Variants in KAZN observed in about 807,000 individuals in gnomAD.
The protein encoded by KAZN is kazrin, periplakin interacting protein, also known as kazrin.
Under a neutral mutation model 87.4 loss-of-function variants are expected in KAZN, and 40 were observed. That is an observed-to-expected ratio of 0.46 (90% CI 0.36 to 0.60). KAZN has a LOEUF of 0.60. KAZN is among the 20% of genes least tolerant of loss of function. The pLI is 0.00. For missense variants in KAZN, 898 were observed against 1,073.9 expected (o/e 0.84, Z 2.29); for synonymous variants, 466 against 458.3 (o/e 1.02, Z -0.22).
chr1:14,535,349 C>T (rs541045002), intron 2 of KAZN, among the ~76,000 whole-genome samples: 7 of 152,336 alleles, frequency 4.6e-5, no homozygotes, highest in Non-Finnish European at 8.8e-5. Context: ...ATCAAATTCA[C>T]CAAGTTATCA....
At chr1:13,921,544 C>T (rs1167498048) in intron 1 of KAZN, among the ~76,000 whole-genome samples, 1 of 152,182 alleles carries the variant, frequency 6.6e-6, no homozygotes, top group Non-Finnish European at 1.5e-5. Flanking sequence ...TCTGTGAAAT[C>T]AAGAAGTCTG....
At chr1:14,247,727 C>A (rs1649642318) in intron 2 of KAZN, among the ~76,000 whole-genome samples, 1 of 152,162 alleles carries the variant, frequency 6.6e-6, no homozygotes, top group African/African-American at 2.4e-5. Flanking sequence ...ATGTAGATTT[C>A]TTTGATAATG....
intron 2 of KAZN, among the ~76,000 whole-genome samples, chr1:14,300,083 T>C (rs1021678213): frequency 6.6e-6 from 1 of 151,740 alleles, no homozygotes. Context: ...AACGCAAAGG[T>C]GCTGTGGCAG....
At chr1:14,688,969 G>A (rs1482078505) in intron 1 of KAZN, among the ~76,000 whole-genome samples, 5 of 152,100 alleles carry the variant, frequency 3.3e-5, no homozygotes, top group African/African-American at 7.2e-5. Flanking sequence ...CAAGGTGGGC[G>A]GATTGCCTGA....
intron 1 of KAZN, among the ~76,000 whole-genome samples, chr1:14,768,386 T>C (rs953966130): frequency 2.0e-5 from 3 of 152,206 alleles, no homozygotes; most frequent in Non-Finnish European, 4.4e-5. Context: ...TCGGGGAAGG[T>C]AGAATCAGCT....
intron 1 of KAZN, among the ~76,000 whole-genome samples, chr1:14,022,963 G>T (rs1640916030): frequency 6.6e-6 from 1 of 152,040 alleles, no homozygotes; most frequent in Non-Finnish European, 1.5e-5. Flanking sequence ...CTTATAAATG[G>T]AATACTATTT....
At chr1:14,841,405 C>CAAAAAAAAA (rs57248871) in intron 1 of KAZN, among the ~76,000 whole-genome samples, 46 of 88,864 alleles carry the variant, frequency 5.2e-4, no homozygotes, top group Non-Finnish European at 8.8e-4. Flanking sequence ...GACTCCGTCT[C>CAAAAAAAAA]AAAAAAAAAA....
At chr1:14,272,851 C>T (rs1340195251) in intron 2 of KAZN, among the ~76,000 whole-genome samples, 2 of 151,994 alleles carry the variant, frequency 1.3e-5, no homozygotes, top group Non-Finnish European at 1.5e-5. Flanking sequence ...GTGCAAGACT[C>T]AGTCTCAAAA....
intron 1 of KAZN, among the ~76,000 whole-genome samples, chr1:14,867,203 G>A (rs1231149236): frequency 6.6e-6 from 1 of 152,212 alleles, no homozygotes; most frequent in Non-Finnish European, 1.5e-5. Flanking sequence ...GGAGCGTGGA[G>A]GCCTCTCGGA....
chr1:13,942,573 T>TAC (rs1640980007), intron 1 of KAZN, among the ~76,000 whole-genome samples: 1 of 96,906 alleles, frequency 1.0e-5, no homozygotes, highest in African/African-American at 4.2e-5. Flanking sequence ...AAAAAAAAAA[T>TAC]GTATATATAT....
intron 8 of KAZN, among the ~76,000 whole-genome samples, chr1:15,092,560 C>T (rs549302638): frequency 3.0e-4 from 45 of 152,232 alleles, no homozygotes; most frequent in African/African-American, 9.9e-4. Context: ...TAACCTCCGC[C>T]TCCCTGGCTG....
chr1:14,050,190 ACACATATGTGCACATGTGTGGG>A (rs1642265957), intron 1 of KAZN, among the ~76,000 whole-genome samples: 1 of 150,150 alleles, frequency 6.7e-6, no homozygotes, highest in African/African-American at 2.5e-5. Flanking sequence ...ACATGTGTGT[ACACATATGTGCACATGTGTGGG>A]CATGCATGTG....
Position 14,678,136 on chromosome 1 carries a change from G to C in KAZN, c.226+78913G>C, listed in dbSNP as rs139689971. Among the ~76,000 whole-genome samples the C allele has an allele frequency of 2.2e-3, 338 of 152,266 alleles. 2 individuals carry two copies. Among genetic ancestry groups the C allele is most frequent in the African/African-American group, 7.7e-3 (320 of 41,570 alleles). ...ATTGTTTCTGGGTGTTGCCGGAAGA[G>C]ATTAACATTTGAGTCAGTGGACTGG... On this transcript the variant is annotated intron_variant, in intron 1 of 14. Coordinates refer to ENST00000376030, the MANE Select transcript of KAZN (RefSeq NM_201628.3).
intron 2 of KAZN, among the ~76,000 whole-genome samples, chr1:14,509,774 GA>G (rs992592849): frequency 2.6e-5 from 4 of 152,116 alleles, no homozygotes; most frequent in Admixed American, 2.6e-4. Flanking sequence ...ATCTTATGAA[GA>G]AAACAAAACA....
rs1182298063 is a variant in KAZN, at chr1:15,077,117, A to ATGT, written c.1222+11364_1222+11365insTGT. On this transcript the variant is annotated intron_variant, in intron 8 of 14. Coordinates refer to ENST00000376030, the MANE Select transcript of KAZN (RefSeq NM_201628.3). This position sits in a 1 kb window ranked among gnomAD's most constrained non-coding sequence, Gnocchi z 4.8. ...AGCTCCAGATCTTCTAGAGAAGCCA[A>ATGT]ATATCTCACATAATACACCCCAAGT... Among the ~76,000 whole-genome samples the ATGT allele has an allele frequency of 2.6e-5, 4 of 152,216 alleles. No individual in the cohort carries two copies.
chr1:14,103,757 A>G (rs114017113), intron 1 of KAZN, among the ~76,000 whole-genome samples: 3,073 of 152,238 alleles, frequency 0.02, 91 homozygotes, highest in South Asian at 0.066. Context: ...CCCTATTTGA[A>G]GGTCAAATGA....
chr1:14,243,841 G>A (rs1016262693), intron 2 of KAZN, among the ~76,000 whole-genome samples: 7 of 152,062 alleles, frequency 4.6e-5, no homozygotes, highest in African/African-American at 1.2e-4. Context: ...GTAATTATGC[G>A]TGTTTCAGAC....
intron 1 of KAZN, among the ~76,000 whole-genome samples, chr1:14,158,416 C>A (rs1645642545): frequency 6.6e-6 from 1 of 151,856 alleles, no homozygotes; most frequent in African/African-American, 2.4e-5. Context: ...TTTCAGTATG[C>A]CAATTGCATT....
chr1:14,265,315 T>A (rs1651389587), intron 2 of KAZN, among the ~76,000 whole-genome samples: 1 of 152,230 alleles, frequency 6.6e-6, no homozygotes, highest in African/African-American at 2.4e-5. Flanking sequence ...TTGGTTTAAC[T>A]AATCAAACAT....
Sources: gnomAD v4.1 joint callset for allele counts (sites outside exome capture counted in the v4.1 genomes callset) on GRCh38, gnomAD v4.1.1 for gene constraint, Gnocchi (gnomAD v3.1) non-coding constraint, MANE v1.5 for transcripts, NCBI Gene and HGNC (gene_info 2026-07-23, HGNC 2026-07-21) for gene names.